Variants in BCAR3 observed in about 807,000 individuals in gnomAD.
BCAR3 encodes the protein BCAR3 adaptor protein, NSP family member, also known as breast cancer anti-estrogen resistance protein 3.
Under a neutral mutation model 80.1 loss-of-function variants are expected in BCAR3, and 37 were observed. The ratio of observed to expected loss-of-function variants is 0.46; its 90% CI spans 0.36 to 0.61. The LOEUF (loss-of-function observed/expected upper bound fraction) is 0.61, where lower values mean the gene tolerates loss of function less well. Ranked by LOEUF, BCAR3 falls within the 20% of genes least tolerant of loss-of-function variation. The pLI is 0.00. For missense variants in BCAR3, 978 were observed against 1,068.2 expected (o/e 0.92, Z 1.18); for synonymous variants, 389 against 418.9 (o/e 0.93, Z 0.87).
Position 93,736,062 on chromosome 1 carries a change from G to A in BCAR3, c.-62-29920C>T, listed in dbSNP as rs140474332. Among the ~76,000 whole-genome samples, 467 of 152,300 alleles carry A rather than the reference G, an allele frequency of 3.1e-3. 1 individual carries two copies. The highest frequency in any genetic ancestry group is 0.01 in the African/African-American group (434 of 41,544). ...ATCTGGGAGAGAGAAAACAGACAGC[G>A]TGGTAGGAAGAAAGAGGAGCTAGTA... is the stretch of plus-strand genomic sequence containing the variant. On this transcript the variant is annotated intron_variant, in intron 2 of 13. Transcript: ENST00000370244.
At chr1:93,619,842 C>T (rs1675256559) in intron 3 of BCAR3, among the ~76,000 whole-genome samples, 1 of 152,244 alleles carries the variant, frequency 6.6e-6, no homozygotes, top group Non-Finnish European at 1.5e-5. Flanking sequence ...CTCTGTAACA[C>T]ACCCTGGAGG....
chr1:93,814,509 G>A (rs1653952355), intron 2 of BCAR3, among the ~76,000 whole-genome samples: 1 of 152,224 alleles, frequency 6.6e-6, no homozygotes, highest in African/African-American at 2.4e-5. Flanking sequence ...TGGTAAAGCT[G>A]CTCTTCAGGA....
chr1:93,623,553 A>G (rs1675373835), intron 3 of BCAR3, among the ~76,000 whole-genome samples: 1 of 152,232 alleles, frequency 6.6e-6, no homozygotes. Context: ...AGCAGCCCAC[A>G]GCCAGGCCCT....
At chr1:93,685,353 A>ATG (rs10606446), upstream of BCAR3, among the ~76,000 whole-genome samples, 1,112 of 150,326 alleles carry the variant, frequency 7.4e-3, 10 homozygotes, top group South Asian at 0.011. Context: ...CAGAGTTTCT[A>ATG]TGTGTGTGTG....
chr1:93,775,120 C>G (rs929370864), intron 2 of BCAR3: 4 of 152,224 alleles, frequency 2.6e-5, no homozygotes, highest in Admixed American at 2.6e-4. Context: ...TAAGCAATTG[C>G]TGCGTCCAGG....
intron 3 of BCAR3, among the ~76,000 whole-genome samples, chr1:93,621,069 C>T (rs1011603584): frequency 6.6e-6 from 1 of 152,184 alleles, no homozygotes; most frequent in African/African-American, 2.4e-5. Flanking sequence ...GGGCGGAGGG[C>T]GGGGTCAGTA....
intron 2 of BCAR3, among the ~76,000 whole-genome samples, chr1:93,797,552 T>C (rs1468323683): frequency 6.6e-6 from 1 of 152,146 alleles, no homozygotes; most frequent in Non-Finnish European, 1.5e-5. Context: ...TCTCATGGGA[T>C]AATTGACATA....
chr1:93,734,291 C>T (rs910483896), intron 2 of BCAR3, among the ~76,000 whole-genome samples: 2 of 152,182 alleles, frequency 1.3e-5, no homozygotes, highest in African/African-American at 4.8e-5. Context: ...AACTGGAGTG[C>T]ATGGATATAT....
At chr1:93,783,057 C>A (rs983633475) in intron 2 of BCAR3, among the ~76,000 whole-genome samples, 19 of 152,168 alleles carry the variant, frequency 1.2e-4, no homozygotes, top group African/African-American at 4.6e-4. Context: ...AGAAGATTGA[C>A]AATATCAGAG....
At chr1:93,599,184 T>A (rs936068913) in intron 3 of BCAR3, 1 of 152,100 alleles carries the variant, frequency 6.6e-6, no homozygotes, top group East Asian at 1.9e-4. Context: ...AAGAAGATAC[T>A]CTATCCCACT....
chr1:93,573,462 A>G (rs1184101879), intron 8 of BCAR3, among the ~76,000 whole-genome samples: 1 of 152,028 alleles, frequency 6.6e-6, no homozygotes, highest in Non-Finnish European at 1.5e-5. Flanking sequence ...AGTTGTTACT[A>G]GAGTTGTCTC....
At chr1:93,611,090 A>C (rs1259960630) in intron 3 of BCAR3, among the ~76,000 whole-genome samples, 1 of 152,206 alleles carries the variant, frequency 6.6e-6, no homozygotes, top group Non-Finnish European at 1.5e-5. Flanking sequence ...TTCAGACTCC[A>C]GTGAGACAAA....
intron 2 of BCAR3, among the ~76,000 whole-genome samples, chr1:93,811,614 T>C (rs1485322094): frequency 1.3e-5 from 2 of 152,228 alleles, no homozygotes; most frequent in Non-Finnish European, 2.9e-5. Context: ...CATTTTCCAT[T>C]CTTTGGAAAG....
At chr1:93,700,211 G>A (rs1219035670) in intron 3 of BCAR3, among the ~76,000 whole-genome samples, 1 of 151,098 alleles carries the variant, frequency 6.6e-6, no homozygotes, top group African/African-American at 2.4e-5. Context: ...TTTTTCTTTT[G>A]AGACAGGGTC....
intron 1 of BCAR3, among the ~76,000 whole-genome samples, chr1:93,675,831 T>C (rs1648451317): frequency 1.3e-5 from 2 of 149,748 alleles, no homozygotes; most frequent in African/African-American, 2.5e-5. Flanking sequence ...GCAGAGTCAG[T>C]GCCTCCAGCT....
chr1:93,606,915 G>A lies in BCAR3; in HGVS notation c.358-14522C>T, dbSNP rs1674787024. Among the ~76,000 whole-genome samples, 3 of 152,354 alleles carry A rather than the reference G, an allele frequency of 2.0e-5. No individual in the cohort carries two copies. The South Asian group carries it at 6.2e-4, about 32-fold the overall frequency. On this transcript the variant is annotated intron_variant, in intron 3 of 11. Coordinates refer to ENST00000260502, the MANE Select transcript of BCAR3 (RefSeq NM_003567.4). ...TCAACATTGTCAAGTGCTGCAGAGAGTTCCAATCATATCAGAATTGGACAG... is the reference window on the plus strand; with the variant it reads ...TCAACATTGTCAAGTGCTGCAGAGAATTCCAATCATATCAGAATTGGACAG...
intron 5 of BCAR3, among the ~76,000 whole-genome samples, chr1:93,587,726 TA>T (rs1355240903): frequency 1.4e-5 from 2 of 147,574 alleles, no homozygotes. Flanking sequence ...GTGAGTAGAA[TA>T]AAATATGTTG....
Position 93,586,432 on chromosome 1 carries a change from C to T in BCAR3, c.930-2311G>A, listed in dbSNP as rs1673944597. 6.6e-6 allele frequency among the ~76,000 whole-genome samples: 1 copy of T among 152,182 alleles called. No homozygotes were observed. The highest frequency in any genetic ancestry group is 2.4e-5 in the African/African-American group (1 of 41,450). ...TACTCCACTGTGTATATACACATTTCCCTTATCTATTCAGCTGTTGATGGA... is the reference window on the plus strand; with the variant it reads ...TACTCCACTGTGTATATACACATTTTCCTTATCTATTCAGCTGTTGATGGA... On this transcript the variant is annotated intron_variant, in intron 5 of 11. Coordinates refer to ENST00000260502, the MANE Select transcript of BCAR3 (RefSeq NM_003567.4). The surrounding 1 kb of genome is among the most constrained non-coding windows in gnomAD (Gnocchi z 4.2).
In BCAR3 at chr1:93,674,838, C is replaced by T. The variant is rs563932283; in HGVS notation, c.93G>A (p.Arg31=). 1.2e-5 allele frequency: 19 copies of T among 1,603,418 alleles called. No individual in the cohort carries two copies. The South Asian group carries it at 2.0e-4, about 17-fold the overall frequency. The change falls in exon 2 of 12, where the codon AGG becomes AGA. Residue 31 remains arginine (R), a synonymous_variant. Coordinates refer to ENST00000260502, the MANE Select transcript of BCAR3 (RefSeq NM_003567.4). ...CTGGGCGATGCTCAGCGAGAGGGGACCTGCTGCTCAGAAGGTCCATGGATG... is the reference window on the plus strand; with the variant it reads ...CTGGGCGATGCTCAGCGAGAGGGGATCTGCTGCTCAGAAGGTCCATGGATG... ...LASSMDLLSS[R]SPLAEHRPDA... is the part of the protein sequence containing the mutation.
Sources: allele counts gnomAD v4.1 joint callset (sites outside exome capture counted in the v4.1 genomes callset), GRCh38; gene constraint gnomAD v4.1.1; non-coding constraint Gnocchi (gnomAD v3.1); transcripts MANE v1.5; gene names NCBI Gene and HGNC (gene_info 2026-07-23, HGNC 2026-07-21).